Variants in CCDC181 observed in about 807,000 individuals in gnomAD.
CCDC181 encodes coiled-coil domain-containing protein 181.
Under a neutral mutation model 58.7 loss-of-function variants are expected in CCDC181, and 35 were observed. The ratio of observed to expected loss-of-function variants is 0.60; its 90% CI spans 0.46 to 0.79. CCDC181 has a LOEUF of 0.79. Among genes scored for constraint, CCDC181 ranks in the 30% least tolerant of loss-of-function variants. The pLI, the probability that CCDC181 is intolerant of heterozygous loss-of-function variation, is 0.00. For missense variants in CCDC181, 517 were observed against 583.9 expected (o/e 0.89, Z 1.18); for synonymous variants, 183 against 197.5 (o/e 0.93, Z 0.62).
intron 2 of CCDC181, among the ~76,000 whole-genome samples, chr1:169,436,877 A>C (rs1477626590): frequency 6.6e-6 from 1 of 152,256 alleles, no homozygotes; most frequent in Non-Finnish European, 1.5e-5. Context: ...GCTTAAACAA[A>C]GGGAGCACAG....
Position 169,453,247 on chromosome 1 carries a change from A to G in CCDC181, c.-24+6550T>C, listed in dbSNP as rs562114236. On this transcript the variant is annotated intron_variant, in intron 2 of 6. Coordinates refer to the CCDC181 transcript ENST00000545005. ...TATTGGAATTCTTTAGACTTTTCTG[A>G]AATGTCAAGACAGCCATAATTTGAT... is the stretch of plus-strand genomic sequence containing the variant. 8.7e-4 allele frequency among the ~76,000 whole-genome samples: 132 copies of G among 152,212 alleles called. 1 individual carries two copies. The highest frequency in any genetic ancestry group is 3.1e-3 in the African/African-American group (129 of 41,572).
chr1:169,401,345 G>A (rs1031729515), intron 4 of CCDC181, among the ~76,000 whole-genome samples: 1 of 152,234 alleles, frequency 6.6e-6, no homozygotes, highest in African/African-American at 2.4e-5. Context: ...AGGACAGACT[G>A]CCTCCTCAAG....
Position 169,419,154 on chromosome 1 carries a change from C to T in CCDC181, c.1074G>A (p.Glu358=). 1 of 1,592,218 alleles carries T rather than the reference C, an allele frequency of 6.3e-7. No individual in the cohort carries two copies. The highest frequency in any genetic ancestry group is 8.5e-7 in the Non-Finnish European group (1 of 1,169,888). The part of the protein sequence containing the change: ...EKREKLKREE[E]RRKIEEEKEK... The stretch of plus-strand genomic sequence containing the variant: ...CTTTCTCTTCTTCTATTTTTCGTCG[C>T]TCTTCCTAGTAAAAGAATATGAAAA... Residue 358 remains glutamate, a synonymous_variant, in exon 4 of 6, where the codon GAG becomes GAA. Coordinates refer to ENST00000367806, the MANE Select transcript of CCDC181 (RefSeq NM_001300969.2).
intron 2 of CCDC181, among the ~76,000 whole-genome samples, chr1:169,459,443 A>G (rs1321762919): frequency 6.6e-6 from 1 of 152,204 alleles, no homozygotes; most frequent in African/African-American, 2.4e-5. Flanking sequence ...CAATGCTGGA[A>G]TCCCTTCATC....
chr1:169,411,186 A>G (rs1655943864), intron 4 of CCDC181, among the ~76,000 whole-genome samples: 1 of 151,896 alleles, frequency 6.6e-6, no homozygotes, highest in African/African-American at 2.4e-5. Flanking sequence ...TAGACACAAT[A>G]AAAAAATGAT....
intron 2 of CCDC181, among the ~76,000 whole-genome samples, chr1:169,439,318 C>A (rs1657144177): frequency 6.6e-6 from 1 of 152,186 alleles, no homozygotes; most frequent in African/African-American, 2.4e-5. Flanking sequence ...GCTACAGACA[C>A]CCCACCATGG....
Position 169,394,989 on chromosome 1 carries a change from A to C in CCDC181, c.*58T>G. 1 of 1,459,462 alleles carries C rather than the reference A, an allele frequency of 6.9e-7. No homozygotes were observed. The highest frequency in any genetic ancestry group is 2.3e-5 in the East Asian group (1 of 42,858). 90.4% of individuals were successfully genotyped at this position (1,459,462 alleles called of 1,614,324 possible). On this transcript the variant is annotated 3_prime_UTR_variant, in exon 6 of 6. Transcript: ENST00000367806. Reference sequence around the variant, plus strand: ...ATACAACCAAAGTACACAGACCCTAAGAAATCATATCCAAAATTTTGATAG... The same window carrying C: ...ATACAACCAAAGTACACAGACCCTACGAAATCATATCCAAAATTTTGATAG...
chr1:169,450,453 T>C (rs576430937), intron 2 of CCDC181, among the ~76,000 whole-genome samples: 30 of 152,336 alleles, frequency 2.0e-4, no homozygotes, highest in Admixed American at 1.5e-3. Context: ...ATAATGTTTT[T>C]GAGGTTTCTC....
chr1:169,433,763 C>T (rs1322846230), intron 2 of CCDC181, among the ~76,000 whole-genome samples: 13 of 151,898 alleles, frequency 8.6e-5, no homozygotes. Flanking sequence ...TTACCTCGCA[C>T]CATATTCAAA....
intron 4 of CCDC181, among the ~76,000 whole-genome samples, chr1:169,411,508 A>G: frequency 6.6e-6 from 1 of 152,034 alleles, no homozygotes; most frequent in East Asian, 1.9e-4. Flanking sequence ...AAACAACAGA[A>G]AAAGAGGGAC....
chr1:169,405,846 C>T (rs965476802), intron 4 of CCDC181, among the ~76,000 whole-genome samples: 6 of 152,164 alleles, frequency 3.9e-5, no homozygotes, highest in Admixed American at 3.9e-4. Flanking sequence ...GCAAAAGAAA[C>T]TACCATCAGA....
At chr1:169,440,350 G>A (rs1657181433) in intron 2 of CCDC181, among the ~76,000 whole-genome samples, 1 of 152,184 alleles carries the variant, frequency 6.6e-6, no homozygotes, top group Non-Finnish European at 1.5e-5. Context: ...TGCCCAGTAG[G>A]TTCACCTTGC....
At chr1:169,408,517 G>A (rs762704254) in intron 4 of CCDC181, among the ~76,000 whole-genome samples, 26 of 152,316 alleles carry the variant, frequency 1.7e-4, no homozygotes, top group East Asian at 3.9e-4. Context: ...AGAGAGCAGC[G>A]GATTTCCCAG....
rs552987891 is a variant in CCDC181 at position 169,414,005 on chromosome 1, A to C, written c.1215+5008T>G. ...GCACTTTCTGCACACGTATCCCAGA[A>C]CTTAAAATATAATTAAAAAAAATAA... On this transcript the variant is annotated intron_variant, in intron 4 of 5. Coordinates refer to ENST00000367806, the MANE Select transcript of CCDC181 (RefSeq NM_001300969.2). 1.0e-4 allele frequency among the ~76,000 whole-genome samples: 14 copies of C among 135,448 alleles called. No individual in the cohort carries two copies. The East Asian group carries it at 3.3e-3, about 32-fold the overall frequency. 88.9% of individuals were successfully genotyped at this position (135,448 alleles called of 152,430 possible). A position where few individuals can be genotyped will look rare whatever the true frequency, so the allele number is the denominator to read the frequency against.
intron 2 of CCDC181, among the ~76,000 whole-genome samples, chr1:169,457,943 A>G (rs1657722897): frequency 6.6e-6 from 1 of 152,084 alleles, no homozygotes; most frequent in Non-Finnish European, 1.5e-5. Flanking sequence ...CCTATATATA[A>G]ATATTTAGAC....
chr1:169,435,065 T>C (rs1408734078), intron 2 of CCDC181, among the ~76,000 whole-genome samples: 1 of 152,102 alleles, frequency 6.6e-6, no homozygotes, highest in Non-Finnish European at 1.5e-5. Flanking sequence ...ATCATGGTAA[T>C]GTACACTTAA....
upstream of CCDC181, among the ~76,000 whole-genome samples, chr1:169,430,385 A>G (rs1296449657): frequency 2.6e-5 from 4 of 152,204 alleles, no homozygotes; most frequent in Non-Finnish European, 5.9e-5. Flanking sequence ...TTTTGGCAGT[A>G]TAGTCATTTT....
intron 4 of CCDC181, among the ~76,000 whole-genome samples, chr1:169,408,374 G>T (rs1655788162): frequency 6.6e-6 from 1 of 152,180 alleles, no homozygotes; most frequent in Non-Finnish European, 1.5e-5. Context: ...GGGCATCTCT[G>T]AAAGAAAGGC....
chr1:169,442,004 G>A (rs1303788412), intron 2 of CCDC181, among the ~76,000 whole-genome samples: 1 of 152,160 alleles, frequency 6.6e-6, no homozygotes, highest in African/African-American at 2.4e-5. Context: ...TAAACAATAT[G>A]AGGAAGAGAA....
Sources: allele counts gnomAD v4.1 joint callset (sites outside exome capture counted in the v4.1 genomes callset), GRCh38; gene constraint gnomAD v4.1.1; transcripts MANE v1.5; gene names NCBI Gene and HGNC (gene_info 2026-07-23, HGNC 2026-07-21).